NAALADL2: variants seen among roughly 807,000 people sequenced by gnomAD.
NAALADL2 encodes N-acetylated alpha-linked acidic dipeptidase like 2.
NAALADL2 carries 76 observed loss-of-function variants against 87.2 expected under a neutral mutation model. That is an observed-to-expected ratio of 0.87 (90% CI 0.72 to 1.05). The LOEUF (loss-of-function observed/expected upper bound fraction) is 1.05. NAALADL2 is among the 50% of genes least tolerant of loss of function. The probability of loss-of-function intolerance (pLI) is 0.00; values close to 1 mark genes in which losing one functional copy is unlikely to be tolerated. For missense variants in NAALADL2, 1,089 were observed against 945.8 expected (o/e 1.15, Z -1.99); for synonymous variants, 354 against 331.0 (o/e 1.07, Z -0.75).
Position 175,679,473 on chromosome 3 carries a change from A to G in NAALADL2, c.1896+52087A>G, listed in dbSNP as rs146202182. 3.0e-4 allele frequency among the ~76,000 whole-genome samples: 46 copies of G among 152,286 alleles called. 1 individual carries two copies. Among genetic ancestry groups the G allele is most frequent in the African/African-American group, 1.0e-3 (42 of 41,552 alleles). The stretch of plus-strand genomic sequence containing the variant: ...ATTACAGCAATAAAATGTGATTTTT[A>G]TCATCTAAACTCTATTTTTGCTCTT... On this transcript the variant is annotated intron_variant, in intron 11 of 13. Coordinates refer to ENST00000454872, the MANE Select transcript of NAALADL2 (RefSeq NM_207015.3).
In NAALADL2 at chr3:175,646,261, A is replaced by T. The variant is rs188397884; in HGVS notation, c.1896+18875A>T. On this transcript the variant is annotated intron_variant, in intron 11 of 13. Transcript: ENST00000454872. ...GTATGCCAATATATTTAAAAGTGAC[A>T]TTTTACTTTTAAATATTATAATTAA... Among the ~76,000 whole-genome samples, 13 of 152,104 alleles carry T rather than the reference A, an allele frequency of 8.5e-5. No individual in the cohort carries two copies. The South Asian group carries it at 2.1e-3, about 24-fold the overall frequency.
chr3:175,431,629 A>G (rs1717778942), intron 5 of NAALADL2, among the ~76,000 whole-genome samples: 1 of 151,986 alleles, frequency 6.6e-6, no homozygotes, highest in Non-Finnish European at 1.5e-5. Flanking sequence ...TGGGATTCAC[A>G]GTAACGTGTG....
chr3:175,594,781 G>T (rs142029651), intron 10 of NAALADL2, among the ~76,000 whole-genome samples: 1 of 151,890 alleles, frequency 6.6e-6, no homozygotes, highest in Non-Finnish European at 1.5e-5. Context: ...TTTCATGTTT[G>T]TTGGCCACTT....
At chr3:175,102,837 C>T (rs1008821148) in intron 2 of NAALADL2, among the ~76,000 whole-genome samples, 4 of 152,186 alleles carry the variant, frequency 2.6e-5, no homozygotes, top group Admixed American at 6.5e-5. Context: ...TGGCCAGGCA[C>T]GGTGGTTCAT....
At chr3:175,120,678 T>C (rs572370596) in intron 2 of NAALADL2, among the ~76,000 whole-genome samples, 21 of 151,962 alleles carry the variant, frequency 1.4e-4, no homozygotes, top group Non-Finnish European at 2.1e-4. Flanking sequence ...TATGTCTAGA[T>C]GATTGTAACA....
At chr3:174,654,060 T>TTGTGTGTGTGTGTG (rs137877260) in intron 2 of NAALADL2, among the ~76,000 whole-genome samples, 1 of 143,962 alleles carries the variant, frequency 6.9e-6, no homozygotes, top group African/African-American at 2.5e-5. Context: ...TAAGATGGCT[T>TTGTGTGTGTGTGTG]TGTGTGTGTG....
chr3:175,404,047 T>C (rs1711844603), intron 5 of NAALADL2, among the ~76,000 whole-genome samples: 1 of 152,116 alleles, frequency 6.6e-6, no homozygotes, highest in African/African-American at 2.4e-5. Flanking sequence ...ACTCAAAACA[T>C]TTGGGGGACA....
At chr3:175,091,039 T>C (rs983752507) in intron 1 of NAALADL2, among the ~76,000 whole-genome samples, 8 of 152,150 alleles carry the variant, frequency 5.3e-5, no homozygotes, top group African/African-American at 1.9e-4. Flanking sequence ...TTACTATTTT[T>C]ATAGTTTTAT....
intron 2 of NAALADL2, among the ~76,000 whole-genome samples, chr3:174,644,035 TAAACC>T (rs1408602133): frequency 2.0e-5 from 3 of 152,216 alleles, no homozygotes; most frequent in African/African-American, 7.2e-5. Flanking sequence ...TGTTTTATTT[TAAACC>T]AAAGAGATCC....
chr3:174,926,086 C>G (rs1437899416), intron 1 of NAALADL2, among the ~76,000 whole-genome samples: 2 of 151,966 alleles, frequency 1.3e-5, no homozygotes, highest in Non-Finnish European at 2.9e-5. Flanking sequence ...CCGATTCAAT[C>G]AAGTGGAAGA....
At chr3:175,226,805 C>T (rs1744221592) in intron 2 of NAALADL2, among the ~76,000 whole-genome samples, 1 of 152,020 alleles carries the variant, frequency 6.6e-6, no homozygotes, top group African/African-American at 2.4e-5. Flanking sequence ...TCCCTCTCAA[C>T]CATTTAATTC....
chr3:175,778,260 G>T (rs1750533203), intron 13 of NAALADL2, among the ~76,000 whole-genome samples: 3 of 152,130 alleles, frequency 2.0e-5, no homozygotes, highest in Admixed American at 2.0e-4. Flanking sequence ...AATATATACA[G>T]AAAAAAAGTA....
chr3:175,615,846 G>A (rs1028293875), intron 10 of NAALADL2, among the ~76,000 whole-genome samples: 1 of 149,260 alleles, frequency 6.7e-6, no homozygotes, highest in South Asian at 2.1e-4. Context: ...GACAGAGGGA[G>A]ACTCTGTCTC....
intron 4 of NAALADL2, among the ~76,000 whole-genome samples, chr3:175,297,144 C>G (rs1756486095): frequency 6.6e-6 from 1 of 152,146 alleles, no homozygotes; most frequent in Non-Finnish European, 1.5e-5. Flanking sequence ...CAAGTCGTTA[C>G]AACAGAGACC....
chr3:175,079,260 A>G (rs1369271005), intron 1 of NAALADL2: 2 of 152,088 alleles, frequency 1.3e-5, no homozygotes, highest in African/African-American at 2.4e-5. Flanking sequence ...ATCATTTGTC[A>G]TTTTTTAAAT....
At chr3:175,513,483 G>A (rs147679486) in intron 9 of NAALADL2, among the ~76,000 whole-genome samples, 3 of 152,186 alleles carry the variant, frequency 2.0e-5, no homozygotes, top group African/African-American at 7.2e-5. Context: ...ATCCAATAAT[G>A]TGCATATTCT....
chr3:174,883,191 G>C (rs568927132), intron 1 of NAALADL2, among the ~76,000 whole-genome samples: 128 of 152,050 alleles, frequency 8.4e-4, no homozygotes, highest in Middle Eastern at 3.4e-3. Flanking sequence ...CCAGATTAAG[G>C]GGGGGTCTGC....
At chr3:174,704,994 C>A (rs1397786278) in intron 2 of NAALADL2, among the ~76,000 whole-genome samples, 2 of 152,124 alleles carry the variant, frequency 1.3e-5, no homozygotes, top group Non-Finnish European at 2.9e-5. Context: ...TAATTGTGAG[C>A]TATACATAAA....
intron 1 of NAALADL2, among the ~76,000 whole-genome samples, chr3:174,894,023 G>T (rs1731191140): frequency 6.6e-6 from 1 of 152,200 alleles, no homozygotes; most frequent in East Asian, 1.9e-4. Flanking sequence ...GATATTTCTT[G>T]TCAATGGAAA....
Sources: gnomAD v4.1 joint callset for allele counts (sites outside exome capture counted in the v4.1 genomes callset) on GRCh38, gnomAD v4.1.1 for gene constraint, MANE v1.5 for transcripts, NCBI Gene and HGNC (gene_info 2026-07-23, HGNC 2026-07-21) for gene names.